The following PHAF1 variants were observed in gnomAD, a reference collection of about 807,000 sequenced individuals.
PHAF1 encodes phagophore assembly factor 1.
A neutral mutation model predicts 63.1 loss-of-function variants in PHAF1; 23 were observed. The observed-to-expected ratio is 0.36, with a 90% CI of 0.26 to 0.52. The LOEUF is 0.52. Among genes scored for constraint, PHAF1 ranks in the 20% least tolerant of loss-of-function variants. The pLI is 0.93. For synonymous variants in PHAF1, 167 were observed against 185.0 expected, an observed-to-expected ratio of 0.90 and a Z score of 0.79; for missense variants, 427 against 517.2, an observed-to-expected ratio of 0.83 and a Z score of 1.69.
Position 67,110,212 on chromosome 16 carries a change from G to A in PHAF1, c.37G>A (p.Gly13Arg), listed in dbSNP as rs115599330. 0.026 allele frequency: 40,865 copies of A among 1,552,752 alleles called. 628 individuals carry two copies. Among genetic ancestry groups the A allele is most frequent in the Non-Finnish European group, 0.031 (35,554 of 1,147,630 alleles). ...GGAGGTAGTGCCCGAACGCTCTCTG[G>A]GGAACGAGCAATGGGAATTCACGCT... ...DLEVVPERSL[G>R]NEQWEFTLGM... The change falls in exon 1 of 16, where the codon GGG becomes AGG. Residue 13 changes from glycine (G) to arginine (R), a missense_variant. Transcript: ENST00000219139.
At chr16:67,121,393 A>G (rs1480081408) in intron 2 of PHAF1, among the ~76,000 whole-genome samples, 2 of 142,468 alleles carry the variant, frequency 1.4e-5, no homozygotes, top group Non-Finnish European at 1.5e-5. Flanking sequence ...TAGTAGAGAC[A>G]GGTTTTCACC....
chr16:67,136,554 CTTTTTTT>C lies in PHAF1; in HGVS notation c.661+2108_661+2114del, dbSNP rs34174571. ...GCATCAGTCTCTGAGGCATTGATTCCTTTTTTTTTTTTTTTTTTTTTTTTTTTGCTTC... is the reference window on the plus strand; with the variant it reads ...GCATCAGTCTCTGAGGCATTGATTCCTTTTTTTTTTTTTTTTTTTTGCTTC... On this transcript the variant is annotated intron_variant, in intron 8 of 15. Transcript: ENST00000219139. Among the ~76,000 whole-genome samples the C allele has an allele frequency of 5.7e-3, 343 of 60,454 alleles. 3 individuals are homozygous for C. The highest frequency in any genetic ancestry group is 0.03 in the African/African-American group (308 of 10,370). 39.7% of individuals were successfully genotyped at this position (60,454 alleles called of 152,430 possible). A position where few individuals can be genotyped will look rare whatever the true frequency, so the allele number is the denominator to read the frequency against.
At chr16:67,141,414 G>A (rs1963805258) in intron 10 of PHAF1, among the ~76,000 whole-genome samples, 2 of 152,220 alleles carry the variant, frequency 1.3e-5, no homozygotes, top group Non-Finnish European at 1.5e-5. Flanking sequence ...AAGAAACTTA[G>A]GGTGTTGCTT....
intron 14 of PHAF1, 140 bp downstream of exon 14, chr16:67,145,768 T>C (rs768970310): frequency 1.1e-6 from 1 of 871,222 alleles, no homozygotes; most frequent in Non-Finnish European, 1.7e-6. Context: ...CCTGCCCCAC[T>C]CTGCACATTA....
chr16:67,121,249 G>A (rs1962958132), intron 2 of PHAF1, among the ~76,000 whole-genome samples: 1 of 149,922 alleles, frequency 6.7e-6, no homozygotes, highest in South Asian at 2.1e-4. Flanking sequence ...GAGTGCAGTG[G>A]CACAATCTCG....
Position 67,134,455 on chromosome 16 carries a change from C to G in PHAF1, c.649C>G (p.Leu217Val). 6.2e-7 allele frequency: 1 copy of G among 1,611,770 alleles called. No homozygotes were observed. Among genetic ancestry groups the G allele is most frequent in the Non-Finnish European group, 8.5e-7 (1 of 1,177,882 alleles). Residue 217 changes from leucine (L) to valine (V), a missense_variant, in exon 8 of 16, where the codon CTA becomes GTA. Transcript: ENST00000219139. ...GTGPAGLRLR[L>V]LAAGCGPGLL... ...TGGACCTGCAGGTTTACGACTTCGC[C>G]TACTTGCTGCAGGTCAGTGACTGGC... is the stretch of plus-strand genomic sequence containing the variant.
intron 6 of PHAF1, among the ~76,000 whole-genome samples, chr16:67,133,236 CCT>C (rs1315951453): frequency 6.6e-6 from 1 of 152,160 alleles, no homozygotes; most frequent in African/African-American, 2.4e-5. Context: ...GAGATTTCAT[CCT>C]CTGGATTTTC....
chr16:67,117,901 A>G (rs1452345153), intron 1 of PHAF1, among the ~76,000 whole-genome samples: 2 of 138,774 alleles, frequency 1.4e-5, no homozygotes, highest in Non-Finnish European at 3.1e-5. Context: ...CCATCCTTTC[A>G]CCTCAGCCTC....
chr16:67,118,839 A>T (rs142139057), intron 1 of PHAF1, among the ~76,000 whole-genome samples: 3 of 129,632 alleles, frequency 2.3e-5, no homozygotes, highest in Admixed American at 9.8e-5. Flanking sequence ...AGTAGCACTT[A>T]TCATGGCTCA....
intron 1 of PHAF1, among the ~76,000 whole-genome samples, chr16:67,118,922 A>G (rs903154823): frequency 6.6e-6 from 1 of 151,740 alleles, no homozygotes; most frequent in South Asian, 2.1e-4. Context: ...TAGTCCCGGC[A>G]TATCCCACCA....
chr16:67,146,985 AG>A, intron 15 of PHAF1, 59 bp from the exon 16 acceptor site: 1 of 1,462,786 alleles, frequency 6.8e-7, no homozygotes, highest in Non-Finnish European at 9.6e-7. Flanking sequence ...CCTCATGCAC[AG>A]GATCTGCCTA....
chr16:67,116,995 T>C (rs2145822300), intron 1 of PHAF1, among the ~76,000 whole-genome samples: 2 of 152,264 alleles, frequency 1.3e-5, no homozygotes, highest in Non-Finnish European at 2.9e-5. Flanking sequence ...CCTGTCTCTA[T>C]GTGTGTTTCT....
intron 8 of PHAF1, among the ~76,000 whole-genome samples, chr16:67,137,677 G>GT (rs200815987): frequency 0.036 from 5,541 of 152,224 alleles, 147 homozygotes; most frequent in South Asian, 0.078. Flanking sequence ...ATTTAGTGTG[G>GT]TTTTTTCCCA....
intron 2 of PHAF1, among the ~76,000 whole-genome samples, chr16:67,123,536 C>T (rs543075948): frequency 6.6e-6 from 1 of 152,168 alleles, no homozygotes; most frequent in East Asian, 1.9e-4. Flanking sequence ...AAGATCGTGC[C>T]ACTGCGCTCC....
intron 3 of PHAF1, among the ~76,000 whole-genome samples, chr16:67,129,212 C>T (rs920740456): frequency 6.6e-6 from 1 of 152,234 alleles, no homozygotes; most frequent in Non-Finnish European, 1.5e-5. Flanking sequence ...TCCACAGCCC[C>T]TCCTGGCACT....
intron 2 of PHAF1, among the ~76,000 whole-genome samples, chr16:67,120,955 C>G (rs553746765): frequency 6.6e-6 from 1 of 152,188 alleles, no homozygotes; most frequent in Non-Finnish European, 1.5e-5. Context: ...CTCAGTTTGA[C>G]TTGGAGCACA....
intron 8 of PHAF1, among the ~76,000 whole-genome samples, chr16:67,137,699 G>C (rs1963662035): frequency 6.6e-6 from 1 of 152,180 alleles, no homozygotes; most frequent in South Asian, 2.1e-4. Flanking sequence ...GAGGATCACT[G>C]CTTGAAACAG....
At chr16:67,119,607 G>A (rs1395928804) in intron 1 of PHAF1, among the ~76,000 whole-genome samples, 9 of 149,866 alleles carry the variant, frequency 6.0e-5, no homozygotes, top group African/African-American at 1.7e-4. Context: ...TGCAACCTCC[G>A]CCTCCTGGGT....
At chr16:67,130,968 A>C (rs1165881915) in intron 3 of PHAF1, among the ~76,000 whole-genome samples, 1 of 152,184 alleles carries the variant, frequency 6.6e-6, no homozygotes, top group African/African-American at 2.4e-5. Context: ...TCAAAATAAC[A>C]AAGGACTGTC....
Sources: allele counts gnomAD v4.1 joint callset (sites outside exome capture counted in the v4.1 genomes callset), GRCh38; gene constraint gnomAD v4.1.1; transcripts MANE v1.5; gene names NCBI Gene and HGNC (gene_info 2026-07-23, HGNC 2026-07-21).